PRH1: variants seen among roughly 807,000 people sequenced by gnomAD.
PRH1 encodes the protein salivary acidic proline-rich phosphoprotein 1/2.
Under a neutral mutation model 7.9 loss-of-function variants are expected in PRH1, and 7 were observed. The observed-to-expected ratio is 0.89, with a 90% CI of 0.50 to 1.67. PRH1 has a LOEUF of 1.67. Ranked by LOEUF, PRH1 falls within the 40% of genes most tolerant of loss-of-function variation. The probability of loss-of-function intolerance (pLI) is 0.00; values close to 1 mark genes in which losing one functional copy is unlikely to be tolerated. For missense variants in PRH1, 109 were observed against 223.6 expected (o/e 0.49, Z 3.27); for synonymous variants, 45 against 80.8 (o/e 0.56, Z 2.38).
Position 11,135,129 on chromosome 12 carries a change from TATTTA to T in PRH1, n.40-13954_40-13950del, listed in dbSNP as rs1946507959. ...TCAAGTCTAATATTTAAATATTTATTATTTAATTAAAATGTTCAGCAATTTTATAA... is the reference window on the plus strand; with the variant it reads ...TCAAGTCTAATATTTAAATATTTATTATTAAAATGTTCAGCAATTTTATAA... On this transcript the variant is annotated intron_variant and non_coding_transcript_variant, in intron 1 of 1. Coordinates refer to the PRH1 transcript ENST00000541175. Among the ~76,000 whole-genome samples the T allele has an allele frequency of 2.0e-5, 3 of 152,142 alleles. No individual in the cohort carries two copies. The South Asian group carries it at 6.2e-4, about 31-fold the overall frequency.
intron 1 of PRH1, among the ~76,000 whole-genome samples, chr12:10,977,663 A>C (rs1482280778): frequency 1.3e-5 from 2 of 152,174 alleles, no homozygotes; most frequent in East Asian, 3.8e-4. Context: ...AAATCCCAAC[A>C]GTATTTGCCC....
intron 1 of PRH1, among the ~76,000 whole-genome samples, chr12:11,168,290 A>AGG: frequency 4.3e-5 from 2 of 46,878 alleles, no homozygotes; most frequent in African/African-American, 1.4e-4. Context: ...GAAAGAAAGA[A>AGG]AGAAAGAAAG....
rs542080522 is a variant in PRH1, at chr12:10,882,824, C to A, written c.101-126G>T. ...CCTGCCTCTCAACTCCCAACCTCCC[C>A]CCTTCCCAAGGCTTCCTAATTAGAA... On this transcript the variant is annotated intron_variant, in intron 2 of 3. Transcript: ENST00000543626. 105 of 1,493,204 alleles carry A rather than the reference C, an allele frequency of 7.0e-5. No homozygotes were observed. The African/African-American group carries it at 1.3e-3, about 19-fold the overall frequency. The allele number at this position is 1,493,204 out of a possible 1,614,324, so 92.5% of individuals were successfully genotyped here.
At chr12:10,961,336 T>C (rs1011337164) in intron 2 of PRH1, among the ~76,000 whole-genome samples, 2 of 150,842 alleles carry the variant, frequency 1.3e-5, no homozygotes, top group Middle Eastern at 3.2e-3. Context: ...CGAACAATGA[T>C]AAAATCAGAA....
chr12:11,000,462 G>A (rs916968201), intron 1 of PRH1, among the ~76,000 whole-genome samples: 2 of 152,016 alleles, frequency 1.3e-5, no homozygotes, highest in South Asian at 2.1e-4. Context: ...TTAGAAAGTT[G>A]TTCCTTTTAA....
chr12:11,143,723 T>G (rs989886277), intron 1 of PRH1, among the ~76,000 whole-genome samples: 3 of 152,028 alleles, frequency 2.0e-5, no homozygotes, highest in East Asian at 1.9e-4. Flanking sequence ...AGACAAAAAC[T>G]ATGAAGCGAC....
At chr12:10,989,033 C>T (rs536336820) in intron 1 of PRH1, among the ~76,000 whole-genome samples, 1 of 152,152 alleles carries the variant, frequency 6.6e-6, no homozygotes, top group African/African-American at 2.4e-5. Flanking sequence ...GTCTTGAACT[C>T]CTGACCTCAG....
intron 2 of PRH1, chr12:10,908,490 C>A (rs374041435): frequency 3.1e-6 from 5 of 1,613,722 alleles, no homozygotes; most frequent in Non-Finnish European, 4.2e-6. Context: ...AGAGAAGACT[C>A]CAATCGTCTC....
At chr12:11,133,921 G>A (rs1946463750) in intron 1 of PRH1, 1 of 1,614,028 alleles carries the variant, frequency 6.2e-7, no homozygotes. Context: ...TGGCAATCCT[G>A]AGCAAATAAA....
intron 2 of PRH1, among the ~76,000 whole-genome samples, chr12:10,945,060 A>C (rs1010699077): frequency 6.6e-6 from 1 of 152,180 alleles, no homozygotes; most frequent in Non-Finnish European, 1.5e-5. Context: ...TATCAAGATG[A>C]TGCTGGCCTC....
At chr12:11,122,103 C>T (rs1945927459) in intron 1 of PRH1, among the ~76,000 whole-genome samples, 2 of 147,550 alleles carry the variant, frequency 1.4e-5, no homozygotes, top group South Asian at 2.2e-4. Flanking sequence ...TATATATATG[C>T]GTGTGCACTC....
chr12:11,094,008 C>T (rs139282487), intron 1 of PRH1, among the ~76,000 whole-genome samples: 1,169 of 114,598 alleles, frequency 0.01, 377 homozygotes, highest in Middle Eastern at 0.032. Flanking sequence ...TCTCAAATCA[C>T]GACAGCCATC....
At chr12:11,013,489 A>T (rs1941153375) in intron 1 of PRH1, among the ~76,000 whole-genome samples, 1 of 152,192 alleles carries the variant, frequency 6.6e-6, no homozygotes, top group Non-Finnish European at 1.5e-5. Context: ...AAAAAGTGAG[A>T]TTAGTAACTA....
At chr12:10,985,877 A>C (rs1397123427) in intron 1 of PRH1, 8 of 1,338,546 alleles carry the variant, frequency 6.0e-6, no homozygotes, top group Non-Finnish European at 8.2e-6. Flanking sequence ...AATGTTCCAG[A>C]CACTATCAGT....
Position 10,929,465 on chromosome 12 carries a change from G to A in PRH1, c.-59+44190C>T, listed in dbSNP as rs1269517052. 5.3e-6 allele frequency: 6 copies of A among 1,139,378 alleles called. No individual in the cohort carries two copies. In the African/African-American group the frequency reaches 7.7e-5, roughly 15 times the overall value. 70.6% of individuals were successfully genotyped at this position (1,139,378 alleles called of 1,614,324 possible). On this transcript the variant is annotated intron_variant, in intron 2 of 3. Transcript: ENST00000539853. ...TAGGACTGAAGAGTTCTCATGCCAA[G>A]GATCAGAAGACCTGTTGTGCCTTCA...
intron 1 of PRH1, among the ~76,000 whole-genome samples, chr12:11,038,738 G>A (rs1156358354): frequency 1.5e-5 from 2 of 135,410 alleles, no homozygotes; most frequent in Admixed American, 7.7e-5. Flanking sequence ...GAAACTCAGT[G>A]ATATGCATGT....
rs141202311 is a variant in PRH1 at position 11,112,809 on chromosome 12, G to C, written n.123+58613C>G. The stretch of plus-strand genomic sequence containing the variant: ...TTGGAAATTCTGGCCAGGACAATCA[G>C]GAAGAGAAAGAAATAAAGGGTATTC... On this transcript the variant is annotated intron_variant and non_coding_transcript_variant, in intron 1 of 4. Coordinates refer to the PRH1 transcript ENST00000541977. Among the ~76,000 whole-genome samples the C allele has an allele frequency of 5.6e-3, 852 of 152,218 alleles. 6 individuals carry two copies. Among genetic ancestry groups the C allele is most frequent in the African/African-American group, 0.02 (817 of 41,516 alleles).
At chr12:11,126,544 T>G (rs1456590411) in intron 1 of PRH1, among the ~76,000 whole-genome samples, 1 of 152,228 alleles carries the variant, frequency 6.6e-6, no homozygotes, top group Admixed American at 6.5e-5. Flanking sequence ...TTTGACAGAC[T>G]TGTCAACTTT....
At chr12:11,091,143 T>TATATATATATATATATATATA (rs1565644368) in intron 1 of PRH1, 92 of 61,178 alleles carry the variant, frequency 1.5e-3, no homozygotes, top group East Asian at 4.7e-3. Flanking sequence ...TATATATATA[T>TATATATATATATATATATATA]TTTCTAGACT....
Sources: gnomAD v4.1 joint callset for allele counts (sites outside exome capture counted in the v4.1 genomes callset) on GRCh38, gnomAD v4.1.1 for gene constraint, MANE v1.5 for transcripts, NCBI Gene and HGNC (gene_info 2026-07-23, HGNC 2026-07-21) for gene names.